CFAP74: variants seen among roughly 807,000 people sequenced by gnomAD.
CFAP74 encodes cilia- and flagella-associated protein 74.
A neutral mutation model predicts 188.9 loss-of-function variants in CFAP74; 124 were observed. That is an observed-to-expected ratio of 0.66 (90% CI 0.57 to 0.76). The LOEUF (loss-of-function observed/expected upper bound fraction) is 0.76. CFAP74 is among the 30% of genes least tolerant of loss of function. CFAP74 has a pLI of 0.00. For synonymous variants in CFAP74, 956 were observed against 916.7 expected (o/e 1.04, Z -0.77); for missense variants, 2,198 against 2,165.2 (o/e 1.02, Z -0.30).
chr1:1,986,008 G>A (rs1238781100), intron 5 of CFAP74, among the ~76,000 whole-genome samples: 1 of 152,244 alleles, frequency 6.6e-6, no homozygotes, highest in African/African-American at 2.4e-5. Flanking sequence ...TGTGGACACG[G>A]GTGGTGGGCT....
rs1657816824 is a variant in CFAP74 at position 1,994,661 on chromosome 1, A to ACCTC, written c.-19-3687_-19-3686insGAGG. Among the ~76,000 whole-genome samples, 7 of 152,294 alleles carry ACCTC rather than the reference A, an allele frequency of 4.6e-5. No individual in the cohort carries two copies. In the South Asian group the frequency reaches 1.4e-3, roughly 32 times the overall value. On this transcript the variant is annotated intron_variant, in intron 1 of 38. Coordinates refer to ENST00000682832, the MANE Select transcript of CFAP74 (RefSeq NM_001304360.2). ...TTGTGAATTCCATGCGGCCTCCGCG[A>ACCTC]CGTCATTTTGCTGGACACCCCGTGG...
intron 38 of CFAP74, 86 bp downstream of exon 38, chr1:1,922,476 ACTCCCTTGGGTCCTCCACGGCCACCTC>A: frequency 1.3e-6 from 2 of 1,539,334 alleles, no homozygotes; most frequent in South Asian, 2.4e-5. Context: ...TGCCCACCTG[ACTCCCTTGGGTCCTCCACGGCCACCTC>A]CTCCCCTGGG....
chr1:1,927,629 G>T lies in CFAP74; in HGVS notation c.3505C>A (p.Arg1169=). 6.5e-7 allele frequency: 1 copy of T among 1,550,012 alleles called. No individual in the cohort carries two copies. Among genetic ancestry groups the T allele is most frequent in the East Asian group, 2.4e-5 (1 of 40,916 alleles). The stretch of plus-strand genomic sequence containing the variant: ...CACCTGGGCCTCAGCTCCCGCTTCC[G>T]CATCTCCAGGACGTGGGGGACAGAG... The part of the protein sequence containing the change: ...KVSVPHVLEM[R]KRELRPSSDE... Residue 1169 remains arginine, a synonymous_variant, in exon 28 of 39, where the codon CGG becomes AGG. Transcript: ENST00000682832.
chr1:1,922,347 C>A lies in CFAP74; in HGVS notation c.4860G>T (p.Arg1620Ser), dbSNP rs200763442. The part of the protein sequence containing the change: ...PLMVSALLQL[R>S]GDVKETYKVI... ...CCTTGTAGGTCTCCTTCACATCCCC[C>A]CTTAGCTGCAGCAGGGCCGACACCA... Residue 1620 changes from arginine to serine, a missense_variant, in exon 39 of 39, where the codon AGG becomes AGT. Coordinates refer to ENST00000682832, the MANE Select transcript of CFAP74 (RefSeq NM_001304360.2). 3 of 1,602,824 alleles carry A rather than the reference C, an allele frequency of 1.9e-6. No individual in the cohort carries two copies. The highest frequency in any genetic ancestry group is 1.8e-5 in the Admixed American group (1 of 56,382).
At chr1:1,955,018 A>AGGAAGTGTGGCTCACACC (rs1654457580) in intron 18 of CFAP74, 1 of 779,172 alleles carries the variant, frequency 1.3e-6, no homozygotes. Context: ...TGGTGAGGAC[A>AGGAAGTGTGGCTCACACC]GGAAGTGCGG....
chr1:1,985,168 G>C (rs1657152892), intron 6 of CFAP74: 1 of 493,182 alleles, frequency 2.0e-6, no homozygotes, highest in Non-Finnish European at 3.7e-6. Context: ...CCTGATTTTG[G>C]AGTTCCTAGG....
chr1:1,987,560 C>T (rs1399721330), intron 4 of CFAP74, among the ~76,000 whole-genome samples: 11 of 151,666 alleles, frequency 7.3e-5, no homozygotes, highest in African/African-American at 2.4e-4. Flanking sequence ...TTTTTTTTCC[C>T]GAGACAGAGC....
rs1163548878 is a variant in CFAP74, at chr1:1,940,353, A to G, written c.2666T>C (p.Val889Ala). ...AGRYFDKETR[V>A]LEAPMTIWVA... ...CCATATGGTCATCGGGGCCTCCAGG[A>G]CTCGGGTCTCCTTGTCAAAATACCT... Residue 889 changes from valine to alanine, a missense_variant, in exon 23 of 39, where the codon GTC becomes GCC. Transcript: ENST00000682832. The G allele has an allele frequency of 6.5e-7, 1 of 1,535,572 alleles. No individual in the cohort carries two copies. The highest frequency in any genetic ancestry group is 1.4e-5 in the African/African-American group (1 of 73,022).
rs367731550 is a variant in CFAP74, at chr1:1,955,808, C to T, written c.2059G>A (p.Ala687Thr). The T allele has an allele frequency of 1.1e-5, 18 of 1,614,112 alleles. No individual in the cohort carries two copies. The highest frequency in any genetic ancestry group is 1.5e-5 in the Non-Finnish European group (18 of 1,180,048). ...TGCTGCTCAGAGAAGCTGGTGGCGG[C>T]TTTGTCATACAAGCTTTTATCTTCG... Reference protein sequence around the residue: ...TYEDKSLYDKAATSFSEQQLE... With the variant: ...TYEDKSLYDKTATSFSEQQLE... The change falls in exon 18 of 39, where the codon GCC (alanine) becomes ACC (threonine). Residue 687 changes from alanine (A) to threonine (T), a missense_variant. By Grantham distance (58) the Ala-to-Thr change is moderately conservative (BLOSUM62 0). Transcript: ENST00000682832.
intron 18 of CFAP74, among the ~76,000 whole-genome samples, chr1:1,949,179 G>A (rs534985143): frequency 1.3e-4 from 13 of 103,174 alleles, no homozygotes; most frequent in Non-Finnish European, 1.6e-4. Flanking sequence ...TCCTTCTTTC[G>A]ACAGAGTCTT....
intron 28 of CFAP74, 44 bp from the exon 29 acceptor site, chr1:1,927,072 C>T (rs1413444455): frequency 1.9e-6 from 3 of 1,548,902 alleles, no homozygotes; most frequent in Admixed American, 3.9e-5. Context: ...TGCCCCCACC[C>T]ACCATCGGCC....
At chr1:2,000,203 TCA>T (rs1295298884) in intron 1 of CFAP74, among the ~76,000 whole-genome samples, 1 of 151,966 alleles carries the variant, frequency 6.6e-6, no homozygotes, top group Non-Finnish European at 1.5e-5. Context: ...TAGAAGACAA[TCA>T]CAGCACATAA....
At chr1:1,997,963 G>T (rs1296166737) in intron 1 of CFAP74, among the ~76,000 whole-genome samples, 1 of 152,166 alleles carries the variant, frequency 6.6e-6, no homozygotes, top group African/African-American at 2.4e-5. Context: ...AGCACAAACT[G>T]GCATTAGTTT....
chr1:1,930,226 A>G lies in CFAP74; in HGVS notation c.3122T>C (p.Val1041Ala). The G allele has an allele frequency of 1.3e-6, 2 of 1,535,710 alleles. No individual in the cohort carries two copies. The highest frequency in any genetic ancestry group is 1.7e-6 in the Non-Finnish European group (2 of 1,146,730). Residue 1041 changes from valine to alanine, a missense_variant, in exon 26 of 39, where the codon GTG becomes GCG. Coordinates refer to ENST00000682832, the MANE Select transcript of CFAP74 (RefSeq NM_001304360.2). ...GCTCAGGTGAGAGTTGATGACGTAC[A>G]CTGTAGCCACGGAGGTGTCGTATAG... ...TALYDTSVAT[V>A]YVINSHLSMS...
chr1:1,923,697 G>C lies in CFAP74; in HGVS notation c.4389+78C>G. The C allele has an allele frequency of 6.3e-7, 1 of 1,594,872 alleles. No homozygotes were observed. The highest frequency in any genetic ancestry group is 1.7e-5 in the Admixed American group (1 of 59,738). ...ATGGTACCCTCAGGGCCTCCAAAGTGGAGCAGTGCAGCCAAAGGCAAGGCC... is the reference window on the plus strand; with the variant it reads ...ATGGTACCCTCAGGGCCTCCAAAGTCGAGCAGTGCAGCCAAAGGCAAGGCC... On this transcript the variant is annotated intron_variant, in intron 35 of 38. Coordinates refer to ENST00000682832, the MANE Select transcript of CFAP74 (RefSeq NM_001304360.2). The surrounding 1 kb of genome is among the most constrained non-coding windows in gnomAD (Gnocchi z 6.3).
chr1:1,986,293 A>G (rs994699448), intron 5 of CFAP74, among the ~76,000 whole-genome samples: 1 of 152,202 alleles, frequency 6.6e-6, no homozygotes, highest in Non-Finnish European at 1.5e-5. Context: ...AGGCTGCAGC[A>G]GAGAATTGCT....
rs1298570131 is a variant in CFAP74, at chr1:1,927,765, G to C, written c.3388-19C>G. The C allele has an allele frequency of 6.5e-7, 1 of 1,546,970 alleles. No homozygotes were observed. The highest frequency in any genetic ancestry group is 2.0e-5 in the Admixed American group (1 of 50,870). ...TTCGGAACTGTGGGGGGAGCGACTGGCTGTGGGGCTGTGCAGGGCCCTAAA... is the reference window on the plus strand; with the variant it reads ...TTCGGAACTGTGGGGGGAGCGACTGCCTGTGGGGCTGTGCAGGGCCCTAAA... On this transcript the variant is annotated intron_variant, in intron 27 of 38. Transcript: ENST00000682832.
intron 18 of CFAP74, chr1:1,955,243 TC>T (rs1558021883): frequency 7.7e-7 from 1 of 1,291,024 alleles, no homozygotes; most frequent in Non-Finnish European, 1.0e-6. Flanking sequence ...CGCAAGCGAT[TC>T]CCGATGGCGG....
chr1:1,957,881 GA>G lies in CFAP74; in HGVS notation c.1852-1098del, dbSNP rs1289172753. ...GTGCCGGCCCAACCGTGACCGCTCT[GA>G]GGAGAAGGCGGCAGCCACAGGGCAA... On this transcript the variant is annotated intron_variant, in intron 16 of 38. Coordinates refer to ENST00000682832, the MANE Select transcript of CFAP74 (RefSeq NM_001304360.2). Among the ~76,000 whole-genome samples the G allele has an allele frequency of 7.5e-3, 1,139 of 152,324 alleles. 22 individuals are homozygous for G. Among genetic ancestry groups the G allele is most frequent in the African/African-American group, 0.026 (1,060 of 41,560 alleles).
Sources: allele counts gnomAD v4.1 joint callset (sites outside exome capture counted in the v4.1 genomes callset), GRCh38; gene constraint gnomAD v4.1.1; non-coding constraint Gnocchi (gnomAD v3.1); transcripts MANE v1.5; gene names NCBI Gene and HGNC (gene_info 2026-07-23, HGNC 2026-07-21).